The following SKIC3 variants were observed in gnomAD, a reference collection of about 807,000 sequenced individuals.
SKIC3 encodes the protein SKI3 subunit of superkiller complex.
At chr5:95,502,313 A>G in the SKIC3 span, among the ~76,000 whole-genome samples, 60 of 152,206 alleles carry the variant, frequency 3.9e-4, 1 homozygote, top group Non-Finnish European at 4.4e-5. Flanking sequence ...AATAGCATAC[A>G]TTAATCACTA....
chr5:95,531,084 T>C, the SKIC3 span, among the ~76,000 whole-genome samples: 1 of 151,996 alleles, frequency 6.6e-6, no homozygotes, highest in African/African-American at 2.4e-5. Flanking sequence ...AAAGACCCGA[T>C]GCTTTAATAA....
chr5:95,502,673 G>A, the SKIC3 span, among the ~76,000 whole-genome samples: 1 of 152,164 alleles, frequency 6.6e-6, no homozygotes, highest in Admixed American at 6.5e-5. Context: ...GTAATGGACA[G>A]TTTCGAAGAA....
chr5:95,474,757 G>C, the SKIC3 span, among the ~76,000 whole-genome samples: 1 of 152,002 alleles, frequency 6.6e-6, no homozygotes, highest in South Asian at 2.1e-4. Flanking sequence ...TTGTAGATTT[G>C]GTCTCTTTAC....
At chr5:95,496,539 C>T in the SKIC3 span, among the ~76,000 whole-genome samples, 2 of 152,092 alleles carry the variant, frequency 1.3e-5, no homozygotes, top group Non-Finnish European at 2.9e-5. Flanking sequence ...TGTCCAAAAA[C>T]CCCAAGTTCT....
chr5:95,542,320 T>C, the SKIC3 span, among the ~76,000 whole-genome samples: 2 of 152,330 alleles, frequency 1.3e-5, no homozygotes, highest in African/African-American at 4.8e-5. Flanking sequence ...TGTATGTTTT[T>C]AAGGTGTACA....
At chr5:95,495,990 G>T in the SKIC3 span, among the ~76,000 whole-genome samples, 3 of 151,550 alleles carry the variant, frequency 2.0e-5, no homozygotes, top group African/African-American at 7.3e-5. Flanking sequence ...AGCCGCTTCT[G>T]CCATTTGCAA....
the SKIC3 span, among the ~76,000 whole-genome samples, chr5:95,537,886 G>C: frequency 1.3e-5 from 2 of 152,136 alleles, no homozygotes; most frequent in Admixed American, 1.3e-4. Context: ...GGAAAGTATG[G>C]TATAAAGTCT....
chr5:95,496,521 G>C, the SKIC3 span, among the ~76,000 whole-genome samples: 1 of 152,072 alleles, frequency 6.6e-6, no homozygotes, highest in Non-Finnish European at 1.5e-5. Context: ...GCACAAAGTA[G>C]CCTGCTTTGT....
the SKIC3 span, chr5:95,529,951 G>A: frequency 4.4e-4 from 436 of 981,550 alleles, no homozygotes; most frequent in Non-Finnish European, 6.0e-4. Flanking sequence ...TCAAACCTAA[G>A]CAGAGTCCAA....
At chr5:95,509,600 T>C in the SKIC3 span, 2 of 1,608,498 alleles carry the variant, frequency 1.2e-6, no homozygotes, top group Non-Finnish European at 1.7e-6. Context: ...TTACCTTTGG[T>C]ATGCATTTGC....
At chr5:95,524,939 A>G in the SKIC3 span, among the ~76,000 whole-genome samples, 6 of 151,988 alleles carry the variant, frequency 3.9e-5, no homozygotes, top group Non-Finnish European at 8.8e-5. Flanking sequence ...GCTGGAGTAC[A>G]GTGGAATGGT....
chr5:95,464,924 CTT>C, the SKIC3 span, among the ~76,000 whole-genome samples: 56 of 106,964 alleles, frequency 5.2e-4, no homozygotes, highest in Non-Finnish European at 5.6e-4. Context: ...ATTCTGATTG[CTT>C]TTTTTTTTTT....
the SKIC3 span, among the ~76,000 whole-genome samples, chr5:95,527,168 G>A: frequency 6.6e-6 from 1 of 152,060 alleles, no homozygotes; most frequent in African/African-American, 2.4e-5. Context: ...ATAGTTTCTT[G>A]CTTTCTAGCA....
the SKIC3 span, among the ~76,000 whole-genome samples, chr5:95,486,128 CCT>C: frequency 2.0e-4 from 30 of 152,134 alleles, 1 homozygote; most frequent in Admixed American, 1.5e-3. Flanking sequence ...CCCACAAACC[CCT>C]GAGTCCTAAG....
At chr5:95,468,314 C>A in the SKIC3 span, among the ~76,000 whole-genome samples, 2 of 151,992 alleles carry the variant, frequency 1.3e-5, no homozygotes, top group African/African-American at 4.8e-5. Context: ...GAGAGACAGT[C>A]GCTATTTTAT....
the SKIC3 span, chr5:95,543,302 T>C: frequency 6.2e-7 from 1 of 1,614,090 alleles, no homozygotes; most frequent in Non-Finnish European, 8.5e-7. Context: ...GGCATTATAG[T>C]TATTTTTCTC....
the SKIC3 span, among the ~76,000 whole-genome samples, chr5:95,532,422 A>G: frequency 1.3e-5 from 2 of 152,168 alleles, no homozygotes; most frequent in African/African-American, 4.8e-5. Context: ...CATATGACCA[A>G]GCGGCACTGA....
the SKIC3 span, among the ~76,000 whole-genome samples, chr5:95,471,675 T>C: frequency 6.6e-6 from 1 of 152,200 alleles, no homozygotes. Flanking sequence ...TCCTTTTCCC[T>C]AGTACTGCCA....
chr5:95,498,910 C>G, the SKIC3 span, among the ~76,000 whole-genome samples: 1 of 152,214 alleles, frequency 6.6e-6, no homozygotes, highest in Non-Finnish European at 1.5e-5. Context: ...CAGGCGTGAG[C>G]CACCGCGCCC....
Sources: allele counts gnomAD v4.1 joint callset (sites outside exome capture counted in the v4.1 genomes callset), GRCh38; gene constraint gnomAD v4.1.1; transcripts MANE v1.5; gene names NCBI Gene and HGNC (gene_info 2026-07-23, HGNC 2026-07-21).